SYCP1: variants seen among roughly 807,000 people sequenced by gnomAD.
SYCP1 encodes the protein synaptonemal complex protein 1.
A neutral mutation model predicts 153.1 loss-of-function variants in SYCP1; 64 were observed. The ratio of observed to expected loss-of-function variants is 0.42; its 90% confidence interval spans 0.34 to 0.51. SYCP1 has a LOEUF of 0.51. Ranked by LOEUF, SYCP1 falls within the 20% of genes least tolerant of loss-of-function variation. The pLI is 0.06. For synonymous variants in SYCP1, 384 were observed against 341.8 expected (o/e 1.12, Z -1.36); for missense variants, 997 against 1,049.0 (o/e 0.95, Z 0.68).
At chr1:114,994,176 A>G (rs76043175) in intron 30 of SYCP1, among the ~76,000 whole-genome samples, 13 of 151,438 alleles carry the variant, frequency 8.6e-5, no homozygotes, top group Non-Finnish European at 1.9e-4. Context: ...TAATGCTGCT[A>G]TTAACATGGG....
chr1:114,863,881 C>T (rs1664541626), intron 8 of SYCP1, among the ~76,000 whole-genome samples: 1 of 147,672 alleles, frequency 6.8e-6, no homozygotes, highest in African/African-American at 2.5e-5. Flanking sequence ...AACAGAAAAC[C>T]AAACACCAAA....
At chr1:114,893,100 G>A (rs1201308552) in intron 15 of SYCP1, among the ~76,000 whole-genome samples, 2 of 152,204 alleles carry the variant, frequency 1.3e-5, no homozygotes, top group African/African-American at 4.8e-5. Context: ...TCTATTTGAA[G>A]TGTAATTTAT....
Position 114,994,779 on chromosome 1 carries a change from C to T in SYCP1, c.2785C>T (p.Pro929Ser), listed in dbSNP as rs1267195188. The stretch of plus-strand genomic sequence containing the variant: ...AGCTTCTCATCTTTGTGTCAAAACA[C>T]CAAAAAAGGTAGCTTTTAAATTTTA... ...PPASHLCVKT[P>S]KKAPSSLTTP... The change falls in exon 31 of 32, where the codon CCA becomes TCA. Residue 929 changes from proline to serine, a missense_variant. Pro to Ser is a moderately conservative substitution (Grantham distance 74, BLOSUM62 -1). This residue lies in a region of SYCP1 where 712 missense variants were observed against 682.9 expected (regional missense o/e 1.04). Transcript: ENST00000369522. 4.4e-6 allele frequency: 7 copies of T among 1,586,408 alleles called. No individual in the cohort carries two copies. The highest frequency in any genetic ancestry group is 6.0e-6 in the Non-Finnish European group (7 of 1,171,312).
At chr1:114,924,370 G>A (rs1669115543) in intron 21 of SYCP1, among the ~76,000 whole-genome samples, 1 of 152,134 alleles carries the variant, frequency 6.6e-6, no homozygotes, top group African/African-American at 2.4e-5. Flanking sequence ...TAGAGATAGA[G>A]TTAGCCAGCA....
At chr1:114,958,532 T>A (rs73004480) in intron 27 of SYCP1, among the ~76,000 whole-genome samples, 9,206 of 152,124 alleles carry the variant, frequency 0.061, 954 homozygotes, top group African/African-American at 0.21. Context: ...TATACAGATA[T>A]CAAAATATCA....
chr1:114,953,025 C>T (rs1490696658), intron 27 of SYCP1, among the ~76,000 whole-genome samples: 1 of 152,174 alleles, frequency 6.6e-6, no homozygotes, highest in African/African-American at 2.4e-5. Flanking sequence ...GAGAAATGAC[C>T]TGTCTTCATA....
chr1:114,963,713 T>C lies in SYCP1; in HGVS notation c.2323-13844T>C, dbSNP rs185109078. 3.6e-3 allele frequency among the ~76,000 whole-genome samples: 548 copies of C among 152,372 alleles called. 6 individuals carry two copies. Among genetic ancestry groups the C allele is most frequent in the African/African-American group, 0.013 (534 of 41,586 alleles). ...GTAAAGGACATGAACTAATTCTTTT[T>C]TATGGCTGCATAGTATTTCATGGTG... On this transcript the variant is annotated intron_variant, in intron 27 of 31. Coordinates refer to ENST00000369522, the MANE Select transcript of SYCP1 (RefSeq NM_003176.4).
intron 21 of SYCP1, among the ~76,000 whole-genome samples, chr1:114,925,975 A>T (rs898119312): frequency 6.6e-5 from 10 of 151,712 alleles, no homozygotes; most frequent in South Asian, 4.2e-4. Context: ...TTTTTTTTTT[A>T]AAAAAAGAGA....
intron 15 of SYCP1, among the ~76,000 whole-genome samples, chr1:114,888,880 G>C (rs928122718): frequency 6.6e-6 from 1 of 150,846 alleles, no homozygotes; most frequent in Non-Finnish European, 1.5e-5. Context: ...ACAGGTCCTG[G>C]TGTGTGAGGT....
At chr1:114,879,012 G>T (rs1665733737) in intron 12 of SYCP1, among the ~76,000 whole-genome samples, 1 of 152,132 alleles carries the variant, frequency 6.6e-6, no homozygotes, top group Non-Finnish European at 1.5e-5. Context: ...AACGGCTTGT[G>T]CAAGTCATGG....
At chr1:114,945,167 T>C (rs1409302355) in intron 25 of SYCP1, among the ~76,000 whole-genome samples, 185 bp downstream of exon 25, 1 of 152,024 alleles carries the variant, frequency 6.6e-6, no homozygotes, top group Admixed American at 6.6e-5. Context: ...CCATACAAAG[T>C]TGAGCCTGTG....
chr1:114,878,420 A>G (rs1450051760), intron 12 of SYCP1, among the ~76,000 whole-genome samples: 2 of 152,006 alleles, frequency 1.3e-5, no homozygotes, highest in African/African-American at 4.8e-5. Context: ...TACCTTTTTC[A>G]AATGTTTCAA....
At chr1:114,982,527 A>G (rs887185834) in intron 29 of SYCP1, among the ~76,000 whole-genome samples, 3 of 151,426 alleles carry the variant, frequency 2.0e-5, no homozygotes, top group Non-Finnish European at 4.4e-5. Flanking sequence ...CATTTCAGCT[A>G]TTGTATTTTT....
intron 16 of SYCP1, among the ~76,000 whole-genome samples, chr1:114,908,801 A>G (rs189333425): frequency 1.3e-5 from 2 of 152,324 alleles, no homozygotes; most frequent in East Asian, 1.9e-4. Context: ...CTCATCTGAT[A>G]AAGTTCTCAC....
intron 30 of SYCP1, 63 bp downstream of exon 30, chr1:114,984,931 T>C: frequency 1.2e-6 from 1 of 815,608 alleles, no homozygotes. Flanking sequence ...ACTATTTTCC[T>C]TGATATACAT....
At chr1:114,957,853 G>A (rs543141647) in intron 27 of SYCP1, among the ~76,000 whole-genome samples, 10 of 152,200 alleles carry the variant, frequency 6.6e-5, no homozygotes, top group Admixed American at 6.5e-4. Context: ...AATTGGTACA[G>A]CCATTATGGA....
intron 14 of SYCP1, among the ~76,000 whole-genome samples, chr1:114,886,690 G>A (rs1570701762): frequency 6.6e-6 from 1 of 152,058 alleles, no homozygotes; most frequent in South Asian, 2.1e-4. Context: ...AGACCTTTCT[G>A]ATTTATAAAT....
chr1:114,861,868 C>T (rs1270703751), intron 8 of SYCP1, among the ~76,000 whole-genome samples: 2 of 139,676 alleles, frequency 1.4e-5, no homozygotes, highest in Admixed American at 7.4e-5. Flanking sequence ...GGTGTGATCT[C>T]GGCTCTCTGC....
At chr1:114,924,691 T>A (rs1669143445) in intron 21 of SYCP1, among the ~76,000 whole-genome samples, 1 of 151,988 alleles carries the variant, frequency 6.6e-6, no homozygotes, top group Admixed American at 6.6e-5. Context: ...TACAAAAAAT[T>A]CATTGTAACT....
Sources: gnomAD v4.1 joint callset for allele counts (sites outside exome capture counted in the v4.1 genomes callset) on GRCh38, gnomAD v4.1.1 for gene constraint, gnomAD v4.1.1 regional missense constraint, MANE v1.5 for transcripts, NCBI Gene and HGNC (gene_info 2026-07-23, HGNC 2026-07-21) for gene names.